The following HSDL2 variants were observed in gnomAD, a reference collection of about 807,000 sequenced individuals.
HSDL2 encodes hydroxysteroid dehydrogenase-like protein 2.
Under a neutral mutation model 46.3 loss-of-function variants are expected in HSDL2, and 27 were observed. That is an observed-to-expected ratio of 0.58 (90% CI 0.43 to 0.80). HSDL2 has a LOEUF of 0.80. Ranked by LOEUF, HSDL2 falls within the 30% of genes least tolerant of loss-of-function variation. HSDL2 has a pLI of 0.00. For synonymous variants in HSDL2, 153 were observed against 163.6 expected (o/e 0.94, Z 0.50); for missense variants, 451 against 502.7 (o/e 0.90, Z 0.98).
intron 9 of HSDL2, among the ~76,000 whole-genome samples, chr9:112,455,221 G>A (rs1021022122): frequency 6.6e-6 from 1 of 151,728 alleles, no homozygotes; most frequent in Non-Finnish European, 1.5e-5. Context: ...TCCAGCCTGG[G>A]CAACATAGTG....
chr9:112,444,358 G>T (rs772063853), intron 8 of HSDL2, among the ~76,000 whole-genome samples: 3 of 151,980 alleles, frequency 2.0e-5, no homozygotes. Context: ...AGTATTCGTC[G>T]TGTGTATGTT....
intron 7 of HSDL2, among the ~76,000 whole-genome samples, chr9:112,439,156 A>G (rs1326654324): frequency 3.3e-5 from 5 of 152,122 alleles, no homozygotes; most frequent in Admixed American, 6.6e-5. Context: ...ATGTGCCACC[A>G]CACCTGGTTA....
chr9:112,431,755 A>G (rs1230491786), intron 6 of HSDL2, among the ~76,000 whole-genome samples: 1 of 152,100 alleles, frequency 6.6e-6, no homozygotes, highest in Non-Finnish European at 1.5e-5. Context: ...CACCGTGAGT[A>G]CAAGCTCCCC....
chr9:112,388,410 G>A (rs184778295), intron 1 of HSDL2, among the ~76,000 whole-genome samples: 110 of 147,166 alleles, frequency 7.5e-4, no homozygotes, highest in African/African-American at 2.6e-3. Context: ...GTAGTGAGCC[G>A]AGATCGCGCC....
chr9:112,402,020 C>T (rs939096208), intron 1 of HSDL2, among the ~76,000 whole-genome samples: 2 of 152,112 alleles, frequency 1.3e-5, no homozygotes, highest in African/African-American at 4.8e-5. Flanking sequence ...TCCTCTGGGT[C>T]GTGCAAGAGT....
intron 10 of HSDL2, among the ~76,000 whole-genome samples, chr9:112,464,316 GTTCT>G (rs1231954427): frequency 6.6e-6 from 1 of 152,066 alleles, no homozygotes; most frequent in Admixed American, 6.6e-5. Context: ...CTGGATGCAT[GTTCT>G]TTATTGGATA....
intron 1 of HSDL2, among the ~76,000 whole-genome samples, chr9:112,396,940 C>A (rs1043425617): frequency 6.6e-6 from 1 of 152,032 alleles, no homozygotes; most frequent in African/African-American, 2.4e-5. Flanking sequence ...CTGAGGTGTC[C>A]CATTTCATAT....
intron 1 of HSDL2, among the ~76,000 whole-genome samples, chr9:112,387,995 C>G (rs1831253576): frequency 6.6e-6 from 1 of 151,650 alleles, no homozygotes; most frequent in African/African-American, 2.4e-5. Flanking sequence ...CCTGTCTCCA[C>G]AAAAAATAAA....
intron 1 of HSDL2, among the ~76,000 whole-genome samples, chr9:112,381,275 C>T (rs777697624): frequency 5.3e-5 from 8 of 152,172 alleles, no homozygotes; most frequent in Non-Finnish European, 1.2e-4. Context: ...ATGTTCCTCC[C>T]TTCTTAGCCT....
At chr9:112,402,309 A>C (rs562071047) in intron 1 of HSDL2, among the ~76,000 whole-genome samples, 6 of 152,216 alleles carry the variant, frequency 3.9e-5, no homozygotes, top group African/African-American at 1.4e-4. Context: ...AACTTAATGA[A>C]ATGGGGGGAG....
intron 6 of HSDL2, among the ~76,000 whole-genome samples, chr9:112,432,792 G>A (rs1832439125): frequency 6.6e-6 from 1 of 152,066 alleles, no homozygotes; most frequent in Non-Finnish European, 1.5e-5. Flanking sequence ...TGTTTTTTGA[G>A]ACAGAATCTC....
At chr9:112,403,610 A>C (rs961921456) in intron 1 of HSDL2, among the ~76,000 whole-genome samples, 2 of 152,182 alleles carry the variant, frequency 1.3e-5, no homozygotes, top group African/African-American at 4.8e-5. Context: ...AAAGAATATA[A>C]AGGATGTGAT....
chr9:112,442,064 C>T (rs187213904), intron 8 of HSDL2, among the ~76,000 whole-genome samples: 1 of 151,386 alleles, frequency 6.6e-6, no homozygotes, highest in African/African-American at 2.4e-5. Flanking sequence ...GAGTTTGCGA[C>T]GAGCTTGGGC....
At chr9:112,392,573 G>T (rs992909974) in intron 1 of HSDL2, among the ~76,000 whole-genome samples, 14 of 152,140 alleles carry the variant, frequency 9.2e-5, no homozygotes, top group Non-Finnish European at 2.1e-4. Context: ...GCTAGGAAAA[G>T]AATTTAGCAA....
Position 112,401,031 on chromosome 9 carries a change from G to GTC in HSDL2, c.18-2964_18-2963insTC, listed in dbSNP as rs1831579216. On this transcript the variant is annotated intron_variant, in intron 1 of 10. Transcript: ENST00000398805. ...GGGACACAATTCAATCAATAACAGG[G>GTC]AGATAAGGCCGGGGTTATCTTCCTG... Among the ~76,000 whole-genome samples, 3 of 152,176 alleles carry GTC rather than the reference G, an allele frequency of 2.0e-5. No homozygotes were observed. In the South Asian group the frequency reaches 6.2e-4, roughly 32 times the overall value.
chr9:112,442,936 T>C (rs1832673345), intron 8 of HSDL2, among the ~76,000 whole-genome samples: 1 of 152,134 alleles, frequency 6.6e-6, no homozygotes, highest in African/African-American at 2.4e-5. Context: ...ACTTAGGTAA[T>C]AAAAAGGACT....
chr9:112,424,269 C>T (rs577248508), intron 6 of HSDL2, among the ~76,000 whole-genome samples: 7 of 148,358 alleles, frequency 4.7e-5, no homozygotes, highest in Admixed American at 6.8e-5. Context: ...TGCAGTGAGC[C>T]GAGATCGTGC....
intron 10 of HSDL2, among the ~76,000 whole-genome samples, chr9:112,468,625 T>G (rs1209945834): frequency 2.0e-5 from 3 of 151,920 alleles, no homozygotes; most frequent in Admixed American, 6.6e-5. Flanking sequence ...TTCTCCTCTC[T>G]CCTTCCTGTG....
chr9:112,470,464 G>C lies in HSDL2; in HGVS notation c.1177G>C (p.Gly393Arg). 1.2e-6 allele frequency: 2 copies of C among 1,611,620 alleles called. No individual in the cohort carries two copies. Among genetic ancestry groups the C allele is most frequent in the Non-Finnish European group, 1.7e-6 (2 of 1,178,662 alleles). Reference sequence around the variant, plus strand: ...AAAACCAACAATGGCATTCATGTCAGGGAAATTGAAGATTAAAGGTAACAT... The same window carrying C: ...AAAACCAACAATGGCATTCATGTCACGGAAATTGAAGATTAAAGGTAACAT... ...KLKPTMAFMS[G>R]KLKIKGNMAL... is the part of the protein sequence containing the mutation. Residue 393 changes from glycine to arginine, a missense_variant, in exon 11 of 11, where the codon GGG (glycine) becomes CGG (arginine). Transcript: ENST00000398805.
Sources: gnomAD v4.1 joint callset for allele counts (sites outside exome capture counted in the v4.1 genomes callset) on GRCh38, gnomAD v4.1.1 for gene constraint, MANE v1.5 for transcripts, NCBI Gene and HGNC (gene_info 2026-07-23, HGNC 2026-07-21) for gene names.